DNAH9: variants seen among roughly 807,000 people sequenced by gnomAD.
DNAH9 encodes dynein axonemal heavy chain 9, also known as DNAH9 variant protein.
DNAH9 carries 345 observed loss-of-function variants against 471.6 expected under a neutral mutation model. That is an observed-to-expected ratio of 0.73 (90% CI 0.67 to 0.80). The LOEUF is 0.80. Among genes scored for constraint, DNAH9 ranks in the 30% least tolerant of loss-of-function variants. DNAH9 has a pLI of 0.00. For missense variants in DNAH9, 5,407 were observed against 5,609.2 expected, an observed-to-expected ratio of 0.96 and a Z score of 1.15; for synonymous variants, 2,093 against 2,123.6, an observed-to-expected ratio of 0.99 and a Z score of 0.40.
chr17:11,902,993 C>A, intron 60 of DNAH9, 81 bp downstream of exon 60: 1 of 1,459,138 alleles, frequency 6.9e-7, no homozygotes, highest in Non-Finnish European at 9.3e-7. Flanking sequence ...CAGGGCTGAG[C>A]TCCAAAGCCA....
Position 11,626,210 on chromosome 17 carries a change from A to T in DNAH9, c.1351-3207A>T, listed in dbSNP as rs146218092. 2.0e-5 allele frequency among the ~76,000 whole-genome samples: 3 copies of T among 152,342 alleles called. No homozygotes were observed. The East Asian group carries it at 5.8e-4, about 29-fold the overall frequency. On this transcript the variant is annotated intron_variant, in intron 6 of 68. Coordinates refer to ENST00000262442, the MANE Select transcript of DNAH9 (RefSeq NM_001372.4). The surrounding 1 kb of genome is among the most constrained non-coding windows in gnomAD (Gnocchi z 4.3). ...TTTCGTGTTTAGTACTGTGATGAAT[A>T]AAAATAGATATTTAAAAAATATCAT...
chr17:11,884,564 C>G, intron 56 of DNAH9: 3 of 456,150 alleles, frequency 6.6e-6, no homozygotes, highest in Non-Finnish European at 1.3e-5. Flanking sequence ...ATATGAAAGA[C>G]TTCGTTCTAG....
Position 11,875,002 on chromosome 17 carries a change from T to C in DNAH9, c.10296T>C (p.Asp3432=). ...ATCCCCTGAGGATGCTGATGGATGA[T>C]GCTGACGTGGCTGCCTGGCAGAACG... is the stretch of plus-strand genomic sequence containing the variant. ...ALDPLRMLMD[D]ADVAAWQNEG... is the part of the protein sequence containing the mutation. Residue 3432 remains aspartate (D), a synonymous_variant, in exon 53 of 69, where the codon GAT becomes GAC. Transcript: ENST00000262442. 6.2e-7 allele frequency: 1 copy of C among 1,614,140 alleles called. No homozygotes were observed.
chr17:11,925,804 A>T (rs1003723609), intron 62 of DNAH9, among the ~76,000 whole-genome samples: 2 of 152,186 alleles, frequency 1.3e-5, no homozygotes, highest in African/African-American at 4.8e-5. Context: ...AATTGTGCCA[A>T]ATAATCTGGA....
chr17:11,947,818 G>T (rs1236278264), intron 67 of DNAH9, among the ~76,000 whole-genome samples: 2 of 112,208 alleles, frequency 1.8e-5, no homozygotes, highest in Non-Finnish European at 3.3e-5. Context: ...GTCTTGCTCT[G>T]TTGCCCAGGC....
chr17:11,826,207 T>C (rs1400854634), intron 48 of DNAH9, among the ~76,000 whole-genome samples: 1 of 152,184 alleles, frequency 6.6e-6, no homozygotes, highest in Non-Finnish European at 1.5e-5. Flanking sequence ...GCATTGCTTT[T>C]AGTCACCTGC....
intron 67 of DNAH9, among the ~76,000 whole-genome samples, chr17:11,960,698 G>A (rs1976061582): frequency 6.6e-6 from 1 of 151,884 alleles, no homozygotes; most frequent in Admixed American, 6.6e-5. Context: ...GGCGGAGGTT[G>A]CAGTGAGCAG....
At chr17:11,639,109 A>G (rs902684687) in intron 9 of DNAH9, among the ~76,000 whole-genome samples, 1 of 152,186 alleles carries the variant, frequency 6.6e-6, no homozygotes, top group Admixed American at 6.5e-5. Flanking sequence ...GCTGTATGAC[A>G]TATCATGACC....
chr17:11,796,024 T>A (rs1172783122), intron 42 of DNAH9, among the ~76,000 whole-genome samples: 1 of 152,236 alleles, frequency 6.6e-6, no homozygotes, highest in Non-Finnish European at 1.5e-5. Context: ...TGATTTGGCA[T>A]CACTATTAAG....
At chr17:11,734,801 G>A (rs1033492986) in intron 28 of DNAH9, among the ~76,000 whole-genome samples, 20 of 152,166 alleles carry the variant, frequency 1.3e-4, no homozygotes, top group African/African-American at 2.4e-5. Context: ...TATGAGCACC[G>A]ATGCTCCGAA....
chr17:11,705,004 AC>A lies in DNAH9; in HGVS notation c.5392-20del. On this transcript the variant is annotated intron_variant, in intron 25 of 68. Coordinates refer to ENST00000262442, the MANE Select transcript of DNAH9 (RefSeq NM_001372.4). ...CCTGCTGCCTATGATTCACCCACCT[AC>A]TCTACCACTCTCTCTTTAGGTAGAC... 2 of 1,609,758 alleles carry A rather than the reference AC, an allele frequency of 1.2e-6. No homozygotes were observed. The highest frequency in any genetic ancestry group is 1.7e-6 in the Non-Finnish European group (2 of 1,176,790).
At chr17:11,785,080 C>T (rs995371827) in intron 41 of DNAH9, among the ~76,000 whole-genome samples, 8 of 152,044 alleles carry the variant, frequency 5.3e-5, no homozygotes, top group African/African-American at 1.7e-4. Flanking sequence ...CAGATCTTTC[C>T]AACTGCTTAT....
rs148406132 is a variant in DNAH9, at chr17:11,620,458, G to A, written c.1350+677G>A. Reference sequence around the variant, plus strand: ...ACTCGGAAGGCAGAGGTTTCAGTGAGCCACGATCACACCATTGCACTCCAG... The same window carrying A: ...ACTCGGAAGGCAGAGGTTTCAGTGAACCACGATCACACCATTGCACTCCAG... On this transcript the variant is annotated intron_variant, in intron 6 of 68. Transcript: ENST00000262442. 6.9e-4 allele frequency among the ~76,000 whole-genome samples: 99 copies of A among 143,352 alleles called. 1 individual carries two copies. In the East Asian group the frequency reaches 0.02, roughly 29 times the overall value. The allele number at this position is 143,352 out of a possible 152,430, so 94.0% of individuals were successfully genotyped here. A position where few individuals can be genotyped will look rare whatever the true frequency, so the allele number is the denominator to read the frequency against.
At chr17:11,664,035 A>G (rs1210905666) in intron 14 of DNAH9, among the ~76,000 whole-genome samples, 2 of 152,252 alleles carry the variant, frequency 1.3e-5, no homozygotes, top group African/African-American at 4.8e-5. Context: ...ATCATCTAGA[A>G]AAGTTACGTC....
intron 22 of DNAH9, among the ~76,000 whole-genome samples, chr17:11,698,284 TTAA>T (rs1728736534): frequency 5.9e-5 from 8 of 136,472 alleles, no homozygotes; most frequent in African/African-American, 1.4e-4. Flanking sequence ...ATATTATATA[TTAA>T]TAATTATATA....
chr17:11,828,134 C>T (rs1970565949), intron 48 of DNAH9, among the ~76,000 whole-genome samples: 1 of 152,158 alleles, frequency 6.6e-6, no homozygotes, highest in Non-Finnish European at 1.5e-5. Flanking sequence ...ACTCTTGCCC[C>T]TCTGTAGTCT....
chr17:11,781,912 C>A (rs2150895523), intron 39 of DNAH9, among the ~76,000 whole-genome samples: 1 of 151,260 alleles, frequency 6.6e-6, no homozygotes, highest in South Asian at 2.1e-4. Context: ...AGCCTCAGTG[C>A]CTTCAGAGCA....
intron 8 of DNAH9, among the ~76,000 whole-genome samples, chr17:11,635,384 T>C (rs1187707997): frequency 2.7e-5 from 4 of 150,456 alleles, no homozygotes; most frequent in Admixed American, 6.7e-5. Context: ...TTTTGCCATG[T>C]TGGCCAGGCT....
At chr17:11,766,026 G>A (rs1016696604) in intron 36 of DNAH9, among the ~76,000 whole-genome samples, 1 of 152,116 alleles carries the variant, frequency 6.6e-6, no homozygotes, top group Non-Finnish European at 1.5e-5. Flanking sequence ...CATCCCTCCA[G>A]GCGTCCTGCG....
Sources: gnomAD v4.1 joint callset for allele counts (sites outside exome capture counted in the v4.1 genomes callset) on GRCh38, gnomAD v4.1.1 for gene constraint, Gnocchi (gnomAD v3.1) non-coding constraint, MANE v1.5 for transcripts, NCBI Gene and HGNC (gene_info 2026-07-23, HGNC 2026-07-21) for gene names.